The following CSMD1 variants were observed in gnomAD, a reference collection of about 807,000 sequenced individuals.
CSMD1 encodes the protein CUB and Sushi multiple domains 1.
Under a neutral mutation model 417.5 loss-of-function variants are expected in CSMD1, and 213 were observed. That is an observed-to-expected ratio of 0.51 (90% CI 0.46 to 0.57). The LOEUF is 0.57. CSMD1 is among the 20% of genes least tolerant of loss of function. The pLI, the probability that CSMD1 is intolerant of heterozygous loss-of-function variation, is 0.00. For missense variants in CSMD1, 6,923 were observed against 4,529.7 expected, an observed-to-expected ratio of 1.53 and a Z score of -15.17; for synonymous variants, 2,862 against 1,736.8, an observed-to-expected ratio of 1.65 and a Z score of -16.11.
chr8:3,638,436 C>G (rs1797148127), intron 7 of CSMD1, among the ~76,000 whole-genome samples: 1 of 151,342 alleles, frequency 6.6e-6, no homozygotes. Context: ...CGCAACTGCA[C>G]CCCTCCAAAA....
intron 10 of CSMD1, among the ~76,000 whole-genome samples, chr8:3,544,974 C>A (rs1798599296): frequency 6.6e-6 from 1 of 150,856 alleles, no homozygotes; most frequent in African/African-American, 2.5e-5. Context: ...TCAACTTGAT[C>A]CTTCATTTTT....
At chr8:4,727,327 C>A (rs1410795890) in intron 1 of CSMD1, among the ~76,000 whole-genome samples, 1 of 152,098 alleles carries the variant, frequency 6.6e-6, no homozygotes, top group Non-Finnish European at 1.5e-5. Context: ...TTGAGAAACC[C>A]ATGAACAAAG....
chr8:3,895,805 T>C (rs990605338), intron 5 of CSMD1, among the ~76,000 whole-genome samples: 3 of 152,210 alleles, frequency 2.0e-5, no homozygotes, highest in Admixed American at 6.5e-5. Flanking sequence ...ACTCCAGTTG[T>C]ACCTGCAGTG....
intron 4 of CSMD1, among the ~76,000 whole-genome samples, chr8:4,013,038 T>A (rs757411514): frequency 1.3e-5 from 2 of 152,184 alleles, no homozygotes; most frequent in Non-Finnish European, 2.9e-5. Context: ...TTTTTATTTT[T>A]TCCCTTCTCA....
intron 1 of CSMD1, among the ~76,000 whole-genome samples, chr8:4,889,089 T>A (rs1361448759): frequency 1.3e-5 from 2 of 152,088 alleles, no homozygotes; most frequent in Non-Finnish European, 2.9e-5. Context: ...GAACGTTTGA[T>A]GAGAAACGGA....
At chr8:3,619,728 G>C (rs1310800064) in intron 7 of CSMD1, among the ~76,000 whole-genome samples, 8 of 151,464 alleles carry the variant, frequency 5.3e-5, no homozygotes. Context: ...CATAAACAAG[G>C]GATCCATAAT....
chr8:4,757,826 G>A (rs926648075), intron 1 of CSMD1, among the ~76,000 whole-genome samples: 5 of 151,818 alleles, frequency 3.3e-5, no homozygotes, highest in African/African-American at 4.8e-5. Flanking sequence ...AGGCACGGTG[G>A]CGCACACCTG....
intron 3 of CSMD1, among the ~76,000 whole-genome samples, chr8:4,317,981 A>G (rs1799032992): frequency 6.6e-6 from 1 of 152,188 alleles, no homozygotes; most frequent in Non-Finnish European, 1.5e-5. Flanking sequence ...TATAATAGTT[A>G]TTGAATAAAT....
At chr8:4,204,265 A>C (rs989430235) in intron 3 of CSMD1, among the ~76,000 whole-genome samples, 1 of 145,908 alleles carries the variant, frequency 6.9e-6, no homozygotes, top group Admixed American at 6.8e-5. Context: ...CAATGCTAGG[A>C]AAAAAAAAAA....
chr8:4,307,960 C>T (rs1434733520), intron 3 of CSMD1, among the ~76,000 whole-genome samples: 1 of 152,102 alleles, frequency 6.6e-6, no homozygotes, highest in Non-Finnish European at 1.5e-5. Flanking sequence ...AGAGGAGAGA[C>T]ACACCTGAAG....
intron 2 of CSMD1, among the ~76,000 whole-genome samples, chr8:4,486,237 A>G (rs28376263): frequency 3.4e-5 from 1 of 29,620 alleles, no homozygotes; most frequent in African/African-American, 1.8e-4. Flanking sequence ...ATACATATAT[A>G]TATATATACA....
intron 1 of CSMD1, among the ~76,000 whole-genome samples, chr8:4,950,699 G>A (rs1005947715): frequency 5.3e-5 from 8 of 152,074 alleles, no homozygotes; most frequent in African/African-American, 1.4e-4. Flanking sequence ...GATTACATTG[G>A]CAATAAAAAG....
At chr8:4,210,345 G>A (rs915346049) in intron 3 of CSMD1, among the ~76,000 whole-genome samples, 2 of 152,174 alleles carry the variant, frequency 1.3e-5, no homozygotes, top group East Asian at 1.9e-4. Flanking sequence ...CAAGTAAGTT[G>A]TATGATACCA....
chr8:3,777,056 T>C (rs1798930825), intron 5 of CSMD1, among the ~76,000 whole-genome samples: 2 of 151,824 alleles, frequency 1.3e-5, no homozygotes, highest in Admixed American at 1.3e-4. Flanking sequence ...TCTGTCTATA[T>C]CTGTTTACAT....
intron 1 of CSMD1, among the ~76,000 whole-genome samples, chr8:4,741,064 A>C (rs1192624185): frequency 6.6e-6 from 1 of 152,218 alleles, no homozygotes; most frequent in Non-Finnish European, 1.5e-5. Flanking sequence ...CTTAATCCTT[A>C]TGCTTTAAGG....
chr8:4,679,716 G>C (rs1208269686), intron 1 of CSMD1, among the ~76,000 whole-genome samples: 2 of 152,094 alleles, frequency 1.3e-5, no homozygotes, highest in African/African-American at 2.4e-5. Context: ...ATTTTTGCTG[G>C]ATTTGAAATT....
chr8:3,266,604 C>CA (rs60439183), intron 26 of CSMD1, among the ~76,000 whole-genome samples: 6,144 of 25,342 alleles, frequency 0.24, 1,027 homozygotes, highest in Non-Finnish European at 0.29. Context: ...GACTCCCTCT[C>CA]AAAAAAAAAA....
intron 1 of CSMD1, among the ~76,000 whole-genome samples, chr8:4,949,540 G>A (rs1394107147): frequency 1.3e-5 from 2 of 152,152 alleles, no homozygotes; most frequent in Non-Finnish European, 2.9e-5. Flanking sequence ...GTCCAGACGT[G>A]CTTAGTTGTT....
chr8:4,221,065 T>C (rs1309308474), intron 3 of CSMD1, among the ~76,000 whole-genome samples: 1 of 152,134 alleles, frequency 6.6e-6, no homozygotes. Flanking sequence ...AAACCCAAAC[T>C]TTAGTTTGGG....
Sources: gnomAD v4.1 joint callset for allele counts (sites outside exome capture counted in the v4.1 genomes callset) on GRCh38, gnomAD v4.1.1 for gene constraint, MANE v1.5 for transcripts, NCBI Gene and HGNC (gene_info 2026-07-23, HGNC 2026-07-21) for gene names.